Variants in MTHFD2L observed in about 807,000 individuals in gnomAD.
The protein encoded by MTHFD2L is bifunctional methylenetetrahydrofolate dehydrogenase/cyclohydrolase 2, mitochondrial.
Under a neutral mutation model 34.9 loss-of-function variants are expected in MTHFD2L, and 29 were observed. That is an observed-to-expected ratio of 0.83 (90% confidence interval 0.62 to 1.13). The LOEUF (loss-of-function observed/expected upper bound fraction) is 1.13. MTHFD2L is among the 50% of genes most tolerant of loss of function. The probability of loss-of-function intolerance (pLI) is 0.00; values close to 1 mark genes in which losing one functional copy is unlikely to be tolerated. For synonymous variants in MTHFD2L, 167 were observed against 155.7 expected, an observed-to-expected ratio of 1.07 and a Z score of -0.54; for missense variants, 481 against 446.5, an observed-to-expected ratio of 1.08 and a Z score of -0.70.
chr4:74,260,920 AAAC>A (rs576000020), intron 6 of MTHFD2L, among the ~76,000 whole-genome samples: 2,765 of 134,172 alleles, frequency 0.021, 41 homozygotes, highest in Non-Finnish European at 0.028. Context: ...TTTTTAAAAA[AAAC>A]AAAGAAACAA....
At chr4:74,207,092 G>T (rs28592249) in intron 5 of MTHFD2L, among the ~76,000 whole-genome samples, 35,127 of 151,682 alleles carry the variant, frequency 0.23, 4,143 homozygotes, top group Admixed American at 0.28. Context: ...AGAGATGGGG[G>T]TCTCCTTATG....
chr4:74,138,044 A>G (rs1723051685), intron 1 of MTHFD2L, among the ~76,000 whole-genome samples: 1 of 151,830 alleles, frequency 6.6e-6, no homozygotes, highest in Admixed American at 6.6e-5. Context: ...GGTAAATTTT[A>G]TACATAAATT....
intron 6 of MTHFD2L, among the ~76,000 whole-genome samples, chr4:74,277,346 G>A (rs1746802261): frequency 6.6e-6 from 1 of 151,880 alleles, no homozygotes; most frequent in Non-Finnish European, 1.5e-5. Context: ...GAAGCACTGA[G>A]GAACATCCCG....
chr4:74,275,312 T>C (rs1746471412), intron 6 of MTHFD2L, among the ~76,000 whole-genome samples: 1 of 152,224 alleles, frequency 6.6e-6, no homozygotes, highest in Admixed American at 6.5e-5. Flanking sequence ...TTCCACAGTG[T>C]ATATTTACCA....
rs187180584 is a variant in MTHFD2L at position 74,216,491 on chromosome 4, C to T, written c.713-8811C>T. Among the ~76,000 whole-genome samples, 638 of 151,898 alleles carry T rather than the reference C, an allele frequency of 4.2e-3. 6 individuals are homozygous for T. Among genetic ancestry groups the T allele is most frequent in the Non-Finnish European group, 4.0e-3 (271 of 68,022 alleles). On this transcript the variant is annotated intron_variant, in intron 5 of 7. Coordinates refer to ENST00000325278, the MANE Select transcript of MTHFD2L (RefSeq NM_001144978.3). The stretch of plus-strand genomic sequence containing the variant: ...TCTCAAGGAAACATTGGAATGACAC[C>T]AGGACTTTTTTATTCATAGCCAGTC...
intron 5 of MTHFD2L, among the ~76,000 whole-genome samples, chr4:74,207,056 C>T (rs1397014273): frequency 2.0e-5 from 3 of 151,978 alleles, no homozygotes; most frequent in South Asian, 4.1e-4. Context: ...CACCACCACA[C>T]CCAGATAATT....
At chr4:74,270,491 G>A (rs1578672042) in intron 6 of MTHFD2L, among the ~76,000 whole-genome samples, 1 of 152,128 alleles carries the variant, frequency 6.6e-6, no homozygotes, top group South Asian at 2.1e-4. Context: ...CCCTACAAAG[G>A]ACATGAACTC....
intron 7 of MTHFD2L, among the ~76,000 whole-genome samples, chr4:74,299,322 C>G (rs1750007200): frequency 6.6e-6 from 1 of 151,324 alleles, no homozygotes; most frequent in Non-Finnish European, 1.5e-5. Flanking sequence ...AAATATATGA[C>G]TTTGTGTTCT....
chr4:74,193,880 T>G (rs1733017263), intron 3 of MTHFD2L, among the ~76,000 whole-genome samples: 1 of 152,220 alleles, frequency 6.6e-6, no homozygotes, highest in Non-Finnish European at 1.5e-5. Flanking sequence ...ACTTATTCTA[T>G]TCTGATCTCT....
Position 74,199,883 on chromosome 4 carries a change from C to T in MTHFD2L, c.541C>T (p.Leu181Phe). ...TATTATCAATATTGGAAGATTGTGC[C>T]TTGATCAGCATTCTCTCATACCTGC... ...FHIINIGRLC[L>F]DQHSLIPATA... The change falls in exon 4 of 8, where the codon CTT becomes TTT. Residue 181 changes from leucine (L) to phenylalanine (F), a missense_variant. By Grantham distance (22) the Leu-to-Phe change is conservative (BLOSUM62 0). Transcript: ENST00000325278. The T allele has an allele frequency of 1.2e-6, 2 of 1,613,864 alleles. No homozygotes were observed. The highest frequency in any genetic ancestry group is 2.7e-5 in the African/African-American group (2 of 74,986).
At chr4:74,155,010 G>A (rs756692909), upstream of MTHFD2L, among the ~76,000 whole-genome samples, 1 of 152,012 alleles carries the variant, frequency 6.6e-6, no homozygotes. Flanking sequence ...CCAAAAATGA[G>A]GAACCTGGCT....
intron 6 of MTHFD2L, among the ~76,000 whole-genome samples, chr4:74,239,155 A>AC (rs1041630538): frequency 6.6e-6 from 1 of 152,200 alleles, no homozygotes; most frequent in Non-Finnish European, 1.5e-5. Context: ...CTATGCAGCC[A>AC]CAGAAAAGGA....
chr4:74,219,235 T>C (rs1409280399), intron 5 of MTHFD2L, among the ~76,000 whole-genome samples: 2 of 152,152 alleles, frequency 1.3e-5, no homozygotes, highest in African/African-American at 4.8e-5. Flanking sequence ...GGGACAACTG[T>C]ATTTTATTCT....
intron 7 of MTHFD2L, among the ~76,000 whole-genome samples, chr4:74,298,016 GC>G (rs1463425872): frequency 6.6e-6 from 1 of 151,988 alleles, no homozygotes; most frequent in African/African-American, 2.4e-5. Flanking sequence ...CAGCAGATAA[GC>G]TTATTATTTC....
At chr4:74,123,193 G>A (rs1411373949), upstream of MTHFD2L, 1 of 152,142 alleles carries the variant, frequency 6.6e-6, no homozygotes, top group Admixed American at 6.6e-5. Flanking sequence ...GTAATTTCCA[G>A]TAACATAGTG....
In MTHFD2L at chr4:74,246,959, C is replaced by T. The variant is rs149836210; in HGVS notation, c.805+21565C>T. 7.9e-3 allele frequency among the ~76,000 whole-genome samples: 1,202 copies of T among 152,022 alleles called. 11 individuals are homozygous for T. The highest frequency in any genetic ancestry group is 0.027 in the African/African-American group (1,113 of 41,462). ...TTGGCTTAGGATTGACTTGGCGATGCGGCCTCTTTTTTGGTTCCATATGAA... is the reference window on the plus strand; with the variant it reads ...TTGGCTTAGGATTGACTTGGCGATGTGGCCTCTTTTTTGGTTCCATATGAA... On this transcript the variant is annotated intron_variant, in intron 6 of 7. Coordinates refer to ENST00000325278, the MANE Select transcript of MTHFD2L (RefSeq NM_001144978.3).
chr4:74,290,999 T>TTTTC (rs1353959852), intron 7 of MTHFD2L, among the ~76,000 whole-genome samples: 1 of 109,824 alleles, frequency 9.1e-6, no homozygotes, highest in Non-Finnish European at 1.8e-5. Flanking sequence ...TTATTTTTCC[T>TTTTC]TTTCTTTTTT....
At chr4:74,197,584 T>A (rs1733705693) in intron 3 of MTHFD2L, among the ~76,000 whole-genome samples, 2 of 152,136 alleles carry the variant, frequency 1.3e-5, no homozygotes, top group South Asian at 4.1e-4. Context: ...TTAAAATGAT[T>A]AATATTTATT....
At chr4:74,253,080 A>G (rs1187581070) in intron 6 of MTHFD2L, among the ~76,000 whole-genome samples, 1 of 152,162 alleles carries the variant, frequency 6.6e-6, no homozygotes, top group Non-Finnish European at 1.5e-5. Flanking sequence ...TTTTGAGGAA[A>G]AAAATTAATT....
Sources: gnomAD v4.1 joint callset for allele counts (sites outside exome capture counted in the v4.1 genomes callset) on GRCh38, gnomAD v4.1.1 for gene constraint, MANE v1.5 for transcripts, NCBI Gene and HGNC (gene_info 2026-07-23, HGNC 2026-07-21) for gene names.